Variants in RILPL1 observed in about 807,000 individuals in gnomAD.
RILPL1 encodes the protein Rab interacting lysosomal protein like 1.
RILPL1 carries 33 observed loss-of-function variants against 50.3 expected under a neutral mutation model. That is an observed-to-expected ratio of 0.66 (90% CI 0.50 to 0.88). The LOEUF (loss-of-function observed/expected upper bound fraction) is 0.88. Ranked by LOEUF, RILPL1 falls within the 40% of genes least tolerant of loss-of-function variation. The pLI, the probability that RILPL1 is intolerant of heterozygous loss-of-function variation, is 0.00. For synonymous variants in RILPL1, 205 were observed against 228.6 expected, an observed-to-expected ratio of 0.90 and a Z score of 0.93; for missense variants, 418 against 542.5, an observed-to-expected ratio of 0.77 and a Z score of 2.28.
At chr12:123,503,261 C>T (rs1351774836) in intron 2 of RILPL1, among the ~76,000 whole-genome samples, 3 of 126,546 alleles carry the variant, frequency 2.4e-5, no homozygotes, top group Non-Finnish European at 4.7e-5. Context: ...AGTGCAGTGG[C>T]GCGATCTCAG....
At chr12:123,494,256 AACC>A (rs1417347728) in intron 4 of RILPL1, among the ~76,000 whole-genome samples, 2 of 152,196 alleles carry the variant, frequency 1.3e-5, no homozygotes, top group African/African-American at 4.8e-5. Flanking sequence ...CAAGTGATGA[AACC>A]ACCACAACCT....
chr12:123,509,288 G>A (rs796340725), intron 2 of RILPL1, among the ~76,000 whole-genome samples: 8 of 152,374 alleles, frequency 5.3e-5, no homozygotes, highest in African/African-American at 1.9e-4. Flanking sequence ...AATCGGCTGG[G>A]CATGGTGGCT....
chr12:123,475,581 G>C (rs776337118), intron 6 of RILPL1: 21 of 878,084 alleles, frequency 2.4e-5, no homozygotes, highest in Admixed American at 1.6e-4. Context: ...GCCAGGGGGA[G>C]ACAGGTCAGC....
intron 2 of RILPL1, among the ~76,000 whole-genome samples, chr12:123,510,218 C>T (rs576582658): frequency 3.7e-4 from 56 of 152,362 alleles, no homozygotes; most frequent in African/African-American, 1.3e-3. Flanking sequence ...GAGGGATTCC[C>T]GGGCCATGTG....
chr12:123,511,099 G>A (rs1884127935), intron 2 of RILPL1, among the ~76,000 whole-genome samples: 1 of 135,274 alleles, frequency 7.4e-6, no homozygotes, highest in South Asian at 2.5e-4. Context: ...TGGTGTGTGT[G>A]TTAGGTCTGT....
intron 6 of RILPL1, 107 bp downstream of exon 6, chr12:123,484,073 G>C: frequency 1.5e-6 from 1 of 682,896 alleles, no homozygotes; most frequent in East Asian, 2.6e-5. Flanking sequence ...AGCAGGATGT[G>C]GTTAGTCACA....
intron 1 of RILPL1, among the ~76,000 whole-genome samples, chr12:123,524,478 G>T (rs147735831): frequency 6.6e-6 from 1 of 152,116 alleles, no homozygotes; most frequent in Admixed American, 6.6e-5. Flanking sequence ...ATGAAAACGC[G>T]TGCAGGTGAA....
In RILPL1 at chr12:123,472,359, T is replaced by C. The variant is rs1881245591; in HGVS notation, c.*179A>G. On this transcript the variant is annotated 3_prime_UTR_variant, in exon 7 of 7. Transcript: ENST00000376874. ...GCCCTGGGTATAAATAAACATTTCTTTAGAGTTTGGCGTCAGTTTTTCAAT... is the reference window on the plus strand; with the variant it reads ...GCCCTGGGTATAAATAAACATTTCTCTAGAGTTTGGCGTCAGTTTTTCAAT... 6.5e-6 allele frequency: 4 copies of C among 612,406 alleles called. No homozygotes were observed. In the Admixed American group the frequency reaches 1.2e-4, roughly 18 times the overall value. 37.9% of individuals were successfully genotyped at this position (612,406 alleles called of 1,614,324 possible).
chr12:123,484,229 TGGGTGG>T lies in RILPL1; in HGVS notation c.1012_1017del (p.Pro338_Pro339del). 1 of 1,471,940 alleles carries T rather than the reference TGGGTGG, an allele frequency of 6.8e-7. No homozygotes were observed. The highest frequency in any genetic ancestry group is 9.4e-7 in the Non-Finnish European group (1 of 1,060,204). The allele number at this position is 1,471,940 out of a possible 1,614,324, so 91.2% of individuals were successfully genotyped here. A position where few individuals can be genotyped will look rare whatever the true frequency, so the allele number is the denominator to read the frequency against. ...TGGGGGGACGTCCTCGGGTGGGCGA[TGGGTGG>T]GGGTTGGGGTATTCGGTTTTCCTCT... is the stretch of plus-strand genomic sequence containing the variant. On this transcript the variant is annotated inframe_deletion, in exon 6 of 7. Coordinates refer to ENST00000376874, the MANE Select transcript of RILPL1 (RefSeq NM_178314.5).
intron 1 of RILPL1, among the ~76,000 whole-genome samples, chr12:123,526,183 G>C (rs1388059011): frequency 6.6e-6 from 1 of 152,002 alleles, no homozygotes; most frequent in Non-Finnish European, 1.5e-5. Context: ...GTGGGCACCT[G>C]TAATCCCCGC....
intron 4 of RILPL1, among the ~76,000 whole-genome samples, chr12:123,493,015 C>T (rs1006144225): frequency 3.9e-5 from 6 of 151,932 alleles, no homozygotes; most frequent in Non-Finnish European, 7.4e-5. Context: ...TCCCCCAGCC[C>T]GACACCTGTA....
intron 6 of RILPL1, chr12:123,475,486 C>T: frequency 1.7e-6 from 1 of 599,758 alleles, no homozygotes; most frequent in South Asian, 1.9e-5. Flanking sequence ...TCGAGTAGAC[C>T]GAGCGCAGCC....
chr12:123,483,778 G>A (rs764874661), intron 6 of RILPL1, among the ~76,000 whole-genome samples: 1 of 152,112 alleles, frequency 6.6e-6, no homozygotes, highest in Non-Finnish European at 1.5e-5. Context: ...TGCATAGATG[G>A]GGTGGACCCA....
intron 6 of RILPL1, among the ~76,000 whole-genome samples, chr12:123,480,385 A>G (rs1881888729): frequency 6.6e-6 from 1 of 151,776 alleles, no homozygotes; most frequent in African/African-American, 2.4e-5. Flanking sequence ...ACTGGTCTCG[A>G]ACTCCTGACC....
At chr12:123,482,649 C>T (rs566389217) in intron 6 of RILPL1, among the ~76,000 whole-genome samples, 11 of 147,074 alleles carry the variant, frequency 7.5e-5, no homozygotes, top group East Asian at 4.0e-4. Flanking sequence ...GACAGGGTTT[C>T]GCTCTGTCAC....
At chr12:123,523,700 A>ACCCACTCCGACCCT in intron 1 of RILPL1, 55 bp from the exon 2 acceptor site, 1 of 1,561,008 alleles carries the variant, frequency 6.4e-7, no homozygotes, top group South Asian at 1.2e-5. Context: ...CAGCCGCCCC[A>ACCCACTCCGACCCT]CCCACTCCGA....
At position 123,489,498 on chromosome 12, in the gene RILPL1, A is replaced by G. The variant is rs774649839; in HGVS notation, c.802-3693T>C. Reference sequence around the variant, plus strand: ...GCCAACATGGTGAAACCCCGTCTCTACTAAAAAACACAAAAATTAGTCAGG... The same window carrying G: ...GCCAACATGGTGAAACCCCGTCTCTGCTAAAAAACACAAAAATTAGTCAGG... On this transcript the variant is annotated intron_variant, in intron 4 of 6. Transcript: ENST00000376874. This position sits in a 1 kb window ranked among gnomAD's most constrained non-coding sequence, Gnocchi z 4.0. Among the ~76,000 whole-genome samples, 9 of 151,982 alleles carry G rather than the reference A, an allele frequency of 5.9e-5. No homozygotes were observed. The highest frequency in any genetic ancestry group is 1.3e-4 in the Non-Finnish European group (9 of 67,990).
chr12:123,504,818 A>C (rs1290860062), intron 2 of RILPL1, among the ~76,000 whole-genome samples: 1 of 152,046 alleles, frequency 6.6e-6, no homozygotes, highest in Non-Finnish European at 1.5e-5. Flanking sequence ...ACTCAAGCCC[A>C]GGTTTTCTGA....
rs1372360121 is a variant in RILPL1, at chr12:123,485,567, G to A, written c.974+66C>T. 1.8e-5 allele frequency: 26 copies of A among 1,470,550 alleles called. No individual in the cohort carries two copies. Among genetic ancestry groups the A allele is most frequent in the Non-Finnish European group, 2.4e-5 (26 of 1,068,934 alleles). 91.1% of individuals were successfully genotyped at this position (1,470,550 alleles called of 1,614,324 possible). ...TCTTCCAGGGGGTAAGAAGGTAACTGTACAGAAACTCTGGCTAACCTCAGT... is the reference window on the plus strand; with the variant it reads ...TCTTCCAGGGGGTAAGAAGGTAACTATACAGAAACTCTGGCTAACCTCAGT... On this transcript the variant is annotated intron_variant, in intron 5 of 6. Coordinates refer to ENST00000376874, the MANE Select transcript of RILPL1 (RefSeq NM_178314.5). The surrounding 1 kb of genome is among the most constrained non-coding windows in gnomAD (Gnocchi z 4.0).
Sources: allele counts gnomAD v4.1 joint callset (sites outside exome capture counted in the v4.1 genomes callset), GRCh38; gene constraint gnomAD v4.1.1; non-coding constraint Gnocchi (gnomAD v3.1); transcripts MANE v1.5; gene names NCBI Gene and HGNC (gene_info 2026-07-23, HGNC 2026-07-21).